Variants in GRM5 observed in about 807,000 individuals in gnomAD.
GRM5 encodes the protein metabotropic glutamate receptor 5.
A neutral mutation model predicts 83.1 loss-of-function variants in GRM5; 19 were observed. The ratio of observed to expected loss-of-function variants is 0.23; its 90% CI spans 0.16 to 0.34. The LOEUF (loss-of-function observed/expected upper bound fraction) is 0.34, where lower values mean the gene tolerates loss of function less well. Ranked by LOEUF, GRM5 falls within the 10% of genes least tolerant of loss-of-function variation. The pLI, the probability that GRM5 is intolerant of heterozygous loss-of-function variation, is 1.00. For missense variants in GRM5, 1,160 were observed against 1,588.3 expected, an observed-to-expected ratio of 0.73 and a Z score of 4.58; for synonymous variants, 675 against 633.6, an observed-to-expected ratio of 1.07 and a Z score of -0.98.
intron 8 of GRM5, among the ~76,000 whole-genome samples, chr11:88,553,538 TCTAATCAAGA>T (rs1942558959): frequency 1.3e-5 from 2 of 152,130 alleles, no homozygotes; most frequent in Non-Finnish European, 2.9e-5. Flanking sequence ...CTCTTTAGCT[TCTAATCAAGA>T]CTCCAGTGGG....
At chr11:88,969,556 C>T (rs114853798) in intron 2 of GRM5, among the ~76,000 whole-genome samples, 2,815 of 152,056 alleles carry the variant, frequency 0.019, 85 homozygotes, top group African/African-American at 0.065. Flanking sequence ...AGCAAATGAG[C>T]TGAAATTACT....
intron 2 of GRM5, among the ~76,000 whole-genome samples, chr11:89,000,315 T>C (rs1940335627): frequency 6.6e-6 from 1 of 152,146 alleles, no homozygotes; most frequent in Non-Finnish European, 1.5e-5. Context: ...GGTTTCAAGT[T>C]TTATTATATA....
intron 2 of GRM5, among the ~76,000 whole-genome samples, chr11:88,915,147 C>T (rs1257846508): frequency 6.6e-6 from 1 of 151,904 alleles, no homozygotes; most frequent in African/African-American, 2.4e-5. Flanking sequence ...AAAAAAAAAT[C>T]TAATTTTTAG....
rs201912731 is a variant in GRM5, at chr11:88,509,064, G to A, written c.3167C>T (p.Ser1056Phe). Residue 1056 changes from serine (S) to phenylalanine (F), a missense_variant, in exon 10 of 10, where the codon TCC (serine) becomes TTC (phenylalanine). Physicochemically the swap from Ser to Phe is radical, Grantham distance 155. Coordinates refer to ENST00000305447, the MANE Select transcript of GRM5 (RefSeq NM_001143831.3). ...PVARSSSSQG[S>F]LMEQISSVVT... ...CACACTGCTGATCTGCTCCATGAGG[G>A]AGCCCTGCGAGGAGCTGCTGCGCGC... 9 of 1,554,310 alleles carry A rather than the reference G, an allele frequency of 5.8e-6. No homozygotes were observed. Among genetic ancestry groups the A allele is most frequent in the South Asian group, 1.2e-5 (1 of 84,360 alleles).
chr11:88,890,011 GC>G (rs1945114775), intron 2 of GRM5, among the ~76,000 whole-genome samples: 2 of 152,136 alleles, frequency 1.3e-5, no homozygotes, highest in African/African-American at 2.4e-5. Context: ...TTAGGAGAGA[GC>G]TTTGATGTGT....
At chr11:89,005,810 C>G (rs1348455554) in intron 2 of GRM5, among the ~76,000 whole-genome samples, 1 of 152,152 alleles carries the variant, frequency 6.6e-6, no homozygotes, top group East Asian at 1.9e-4. Context: ...ATGGTTATCA[C>G]AAGCATTCAT....
intron 2 of GRM5, among the ~76,000 whole-genome samples, chr11:88,871,036 C>G (rs1319874603): frequency 1.3e-5 from 2 of 151,406 alleles, no homozygotes; most frequent in African/African-American, 4.8e-5. Context: ...ACTATGTACT[C>G]CATGAATACG....
intron 2 of GRM5, among the ~76,000 whole-genome samples, chr11:88,924,123 A>G (rs2135633634): frequency 1.1e-5 from 1 of 91,620 alleles, no homozygotes; most frequent in Non-Finnish European, 2.3e-5. Flanking sequence ...ACCTGTTAGT[A>G]TAGCTATAAT....
At chr11:89,009,083 T>G in intron 2 of GRM5, 1 of 744,306 alleles carries the variant, frequency 1.3e-6, no homozygotes, top group Non-Finnish European at 2.5e-6. Flanking sequence ...CATCTCTTCC[T>G]TCTTTGTCCC....
intron 4 of GRM5, among the ~76,000 whole-genome samples, chr11:88,606,774 G>A (rs1049439627): frequency 6.6e-6 from 1 of 152,046 alleles, no homozygotes; most frequent in African/African-American, 2.4e-5. Flanking sequence ...CATGATTATG[G>A]CAAAGGTGTC....
chr11:88,531,684 T>A (rs1366841784), intron 8 of GRM5, among the ~76,000 whole-genome samples: 1 of 152,066 alleles, frequency 6.6e-6, no homozygotes, highest in East Asian at 1.9e-4. Flanking sequence ...AGTTCAAGAA[T>A]GGAGGGGAAA....
chr11:88,615,553 T>C (rs1938453671), intron 4 of GRM5, among the ~76,000 whole-genome samples: 1 of 151,914 alleles, frequency 6.6e-6, no homozygotes, highest in South Asian at 2.1e-4. Context: ...GACAGCTCCA[T>C]TGAAATGTGT....
chr11:88,609,035 G>T (rs573242583), intron 4 of GRM5, among the ~76,000 whole-genome samples: 10 of 152,136 alleles, frequency 6.6e-5, no homozygotes, highest in East Asian at 1.9e-4. Context: ...ATATGTGCAG[G>T]TTTGTTACAT....
At chr11:88,659,840 T>G (rs1398108681) in intron 3 of GRM5, among the ~76,000 whole-genome samples, 1 of 152,184 alleles carries the variant, frequency 6.6e-6, no homozygotes, top group African/African-American at 2.4e-5. Context: ...TTTAAAAATC[T>G]ATCTCCCTTA....
chr11:88,630,896 G>A (rs1041983795), intron 4 of GRM5, among the ~76,000 whole-genome samples: 19 of 152,134 alleles, frequency 1.2e-4, no homozygotes, highest in Non-Finnish European at 1.5e-5. Context: ...TATTTTATAA[G>A]TCAAGATCTT....
At chr11:88,962,625 C>A (rs1938819633) in intron 2 of GRM5, among the ~76,000 whole-genome samples, 1 of 151,938 alleles carries the variant, frequency 6.6e-6, no homozygotes, top group African/African-American at 2.4e-5. Flanking sequence ...GCATTTATTA[C>A]CATTATTAAG....
chr11:88,751,072 C>CAAAAAAAAAAAAAAAAAAAAAAA (rs774458890), intron 3 of GRM5, among the ~76,000 whole-genome samples: 1 of 47,366 alleles, frequency 2.1e-5, no homozygotes, highest in Non-Finnish European at 3.6e-5. Context: ...TAGCAGAAGC[C>CAAAAAAAAAAAAAAAAAAAAAAA]AAAAAAAAAA....
chr11:88,515,122 G>A (rs1003057333), intron 9 of GRM5, among the ~76,000 whole-genome samples: 2 of 152,098 alleles, frequency 1.3e-5, no homozygotes, highest in African/African-American at 2.4e-5. Flanking sequence ...TTATTAAAGT[G>A]CTTAATGGTA....
chr11:88,820,485 GT>G (rs1943771003), intron 3 of GRM5, among the ~76,000 whole-genome samples: 1 of 151,700 alleles, frequency 6.6e-6, no homozygotes, highest in Non-Finnish European at 1.5e-5. Flanking sequence ...GTGTTCACTG[GT>G]TTGCTGGTCT....
Sources: gnomAD v4.1 joint callset for allele counts (sites outside exome capture counted in the v4.1 genomes callset) on GRCh38, gnomAD v4.1.1 for gene constraint, MANE v1.5 for transcripts, NCBI Gene and HGNC (gene_info 2026-07-23, HGNC 2026-07-21) for gene names.